MAF: variants seen among roughly 807,000 people sequenced by gnomAD.
MAF encodes transcription factor Maf.
A neutral mutation model predicts 22.0 loss-of-function variants in MAF; 10 were observed. The observed-to-expected ratio is 0.45, with a 90% CI of 0.28 to 0.77. The LOEUF is 0.77. MAF is among the 30% of genes least tolerant of loss of function. MAF has a pLI of 0.12. For synonymous variants in MAF, 337 were observed against 255.8 expected (o/e 1.32, Z -3.03); for missense variants, 544 against 548.4 (o/e 0.99, Z 0.08).
At chr16:79,217,595 G>T in the MAF span, among the ~76,000 whole-genome samples, 1 of 152,122 alleles carries the variant, frequency 6.6e-6, no homozygotes, top group East Asian at 1.9e-4. Flanking sequence ...TCAACATCCC[G>T]AGTTCTTCGC....
chr16:79,595,582 TA>T (rs1913470007), intron 1 of MAF: 1 of 1,059,544 alleles, frequency 9.4e-7, no homozygotes, highest in South Asian at 4.6e-5. Flanking sequence ...TTGTGTCATT[TA>T]AAAATAGGTC....
At chr16:79,273,922 G>T in the MAF span, among the ~76,000 whole-genome samples, 1 of 150,150 alleles carries the variant, frequency 6.7e-6, no homozygotes, top group Non-Finnish European at 1.5e-5. Context: ...TGCAGAATCA[G>T]CTGGGTTCTA....
the MAF span, among the ~76,000 whole-genome samples, chr16:79,542,078 C>T: frequency 6.6e-6 from 1 of 152,166 alleles, no homozygotes; most frequent in African/African-American, 2.4e-5. Context: ...TCTCCTGACT[C>T]CAAGCGTTTC....
intron 1 of MAF, among the ~76,000 whole-genome samples, chr16:79,586,287 A>T (rs1912835376): frequency 6.6e-6 from 1 of 151,710 alleles, no homozygotes; most frequent in African/African-American, 2.4e-5. Context: ...GGTTCATAGA[A>T]GGGAAGGATT....
At chr16:79,383,932 T>C in the MAF span, among the ~76,000 whole-genome samples, 1 of 152,150 alleles carries the variant, frequency 6.6e-6, no homozygotes, top group Non-Finnish European at 1.5e-5. Flanking sequence ...AAGTACAAGA[T>C]ACAAAAAGTC....
chr16:79,464,213 CTTTT>C, the MAF span, among the ~76,000 whole-genome samples: 1 of 152,146 alleles, frequency 6.6e-6, no homozygotes, highest in East Asian at 1.9e-4. Context: ...GAGTACAGGG[CTTTT>C]GCAGACACCA....
the MAF span, among the ~76,000 whole-genome samples, chr16:79,492,409 T>G: frequency 6.6e-6 from 1 of 152,156 alleles, no homozygotes. Context: ...AGACCGGATC[T>G]GACCCTGTAT....
At chr16:79,540,652 C>T in the MAF span, among the ~76,000 whole-genome samples, 180 of 152,226 alleles carry the variant, frequency 1.2e-3, no homozygotes, top group African/African-American at 3.9e-3. Context: ...CGGTGCATGC[C>T]GGGGAGATGG....
chr16:79,478,561 T>G, the MAF span, among the ~76,000 whole-genome samples: 1 of 152,152 alleles, frequency 6.6e-6, no homozygotes, highest in African/African-American at 2.4e-5. Flanking sequence ...ACTCTTTATT[T>G]ATAGGATCTT....
At chr16:79,482,388 A>G in the MAF span, among the ~76,000 whole-genome samples, 1 of 152,142 alleles carries the variant, frequency 6.6e-6, no homozygotes, top group East Asian at 1.9e-4. Context: ...CCCAACCTGA[A>G]ATCTCTGCAA....
At chr16:79,530,213 A>G in the MAF span, among the ~76,000 whole-genome samples, 1 of 152,150 alleles carries the variant, frequency 6.6e-6, no homozygotes, top group East Asian at 1.9e-4. Context: ...CTAGCTTGAG[A>G]ACACACCTGA....
At chr16:79,596,749 G>T in intron 1 of MAF, 1 of 1,045,150 alleles carries the variant, frequency 9.6e-7, no homozygotes. Flanking sequence ...TAAAACTGTG[G>T]ATTTTTTTTT....
intron 1 of MAF, among the ~76,000 whole-genome samples, chr16:79,586,965 C>A (rs1377524136): frequency 1.3e-5 from 2 of 152,158 alleles, no homozygotes; most frequent in Non-Finnish European, 2.9e-5. Context: ...TTTGGATTAC[C>A]TTACAATTGG....
At chr16:79,552,882 T>C in the MAF span, among the ~76,000 whole-genome samples, 1 of 152,214 alleles carries the variant, frequency 6.6e-6, no homozygotes, top group Admixed American at 6.5e-5. Context: ...CTAATGCCAT[T>C]GCAATCCCAA....
At chr16:79,451,440 T>G in the MAF span, among the ~76,000 whole-genome samples, 4 of 152,298 alleles carry the variant, frequency 2.6e-5, no homozygotes, top group African/African-American at 9.6e-5. Context: ...TTTACCAATG[T>G]CTCTGTCAGC....
At position 79,599,132 on chromosome 16, in the gene MAF, G is replaced by C. The variant is rs770572154; in HGVS notation, c.771C>G (p.Phe257Leu). The C allele has an allele frequency of 1.9e-6, 3 of 1,585,352 alleles. No homozygotes were observed. The highest frequency in any genetic ancestry group is 1.1e-5 in the South Asian group (1 of 89,098). ...HPHHAAGGLHFDDRFSDEQLV... is the reference protein window; with the variant it reads ...HPHHAAGGLHLDDRFSDEQLV... Reference sequence around the variant, plus strand: ...GCTGCTCGTCGGAGAAGCGGTCGTCGAAGTGCAGGCCGCCGGCGGCGTGGT... The same window carrying C: ...GCTGCTCGTCGGAGAAGCGGTCGTCCAAGTGCAGGCCGCCGGCGGCGTGGT... The change falls in exon 1 of 2, where the codon TTC becomes TTG. Residue 257 changes from phenylalanine (F) to leucine (L), a missense_variant. Phe to Leu is a conservative substitution (Grantham distance 22). Around this residue, in one of 5 missense-constraint regions of MAF, gnomAD observed 342 missense variants for 315.5 expected, o/e 1.08. Coordinates refer to ENST00000326043, the MANE Select transcript of MAF (RefSeq NM_005360.5).
the MAF span, among the ~76,000 whole-genome samples, chr16:79,452,734 G>A: frequency 6.6e-6 from 1 of 152,148 alleles, no homozygotes; most frequent in Non-Finnish European, 1.5e-5. Context: ...AGGGATGTGG[G>A]CAGAGTGGAA....
At chr16:79,453,771 G>A in the MAF span, among the ~76,000 whole-genome samples, 3 of 152,270 alleles carry the variant, frequency 2.0e-5, no homozygotes, top group East Asian at 5.8e-4. Flanking sequence ...GATTCATTCA[G>A]CCCATATTTA....
chr16:79,447,000 T>C, the MAF span, among the ~76,000 whole-genome samples: 5 of 152,124 alleles, frequency 3.3e-5, no homozygotes, highest in African/African-American at 9.7e-5. Context: ...TTTTTGGTAA[T>C]ATAGATAAAT....
Sources: allele counts gnomAD v4.1 joint callset (sites outside exome capture counted in the v4.1 genomes callset), GRCh38; gene constraint gnomAD v4.1.1; regional missense constraint gnomAD v4.1.1; transcripts MANE v1.5; gene names NCBI Gene and HGNC (gene_info 2026-07-23, HGNC 2026-07-21).